The following DCC variants were observed in gnomAD, a reference collection of about 807,000 sequenced individuals.
DCC encodes netrin receptor DCC.
A neutral mutation model predicts 172.5 loss-of-function variants in DCC; 58 were observed. The ratio of observed to expected loss-of-function variants is 0.34; its 90% CI spans 0.27 to 0.42. DCC has a LOEUF of 0.42. Ranked by LOEUF, DCC falls within the 10% of genes least tolerant of loss-of-function variation. The probability of loss-of-function intolerance (pLI) is 1.00; values close to 1 mark genes in which losing one functional copy is unlikely to be tolerated. For missense variants in DCC, 1,740 were observed against 1,791.0 expected, an observed-to-expected ratio of 0.97 and a Z score of 0.51; for synonymous variants, 709 against 644.5, an observed-to-expected ratio of 1.10 and a Z score of -1.52.
intron 2 of DCC, among the ~76,000 whole-genome samples, chr18:52,860,373 G>T (rs2039121887): frequency 6.6e-6 from 1 of 152,134 alleles, no homozygotes; most frequent in African/African-American, 2.4e-5. Flanking sequence ...ACAGTTTTTG[G>T]TTTTAAGTGA....
chr18:53,246,477 G>T (rs11874063), intron 12 of DCC, among the ~76,000 whole-genome samples: 2,339 of 151,680 alleles, frequency 0.015, 56 homozygotes, highest in African/African-American at 0.053. Flanking sequence ...AAATATCTCA[G>T]CTCATATTTC....
At chr18:52,955,429 G>A (rs2040726802) in intron 5 of DCC, among the ~76,000 whole-genome samples, 2 of 151,640 alleles carry the variant, frequency 1.3e-5, no homozygotes, top group Non-Finnish European at 2.9e-5. Flanking sequence ...AGATTTACCA[G>A]TTGATTTATT....
intron 1 of DCC, among the ~76,000 whole-genome samples, chr18:52,359,510 A>G (rs1382738417): frequency 6.6e-6 from 1 of 152,102 alleles, no homozygotes; most frequent in Non-Finnish European, 1.5e-5. Flanking sequence ...ATTTCAGAGT[A>G]AGCTTACTCT....
chr18:52,561,455 CAT>C (rs757279365), intron 1 of DCC, among the ~76,000 whole-genome samples: 263 of 149,390 alleles, frequency 1.8e-3, no homozygotes, highest in Non-Finnish European at 2.9e-3. Flanking sequence ...GCTACACACA[CAT>C]ATATATATAT....
chr18:53,264,388 G>A (rs140333691), intron 12 of DCC, among the ~76,000 whole-genome samples: 1,596 of 150,720 alleles, frequency 0.011, 31 homozygotes, highest in African/African-American at 0.038. Context: ...TCTGGAGGCC[G>A]AGGCTTGAAA....
chr18:52,809,080 C>A (rs938749370), intron 2 of DCC, among the ~76,000 whole-genome samples: 1 of 152,102 alleles, frequency 6.6e-6, no homozygotes, highest in Non-Finnish European at 1.5e-5. Context: ...TATTGTTGAC[C>A]AATTCCCTCA....
chr18:53,435,047 ATCTGT>A (rs1267240883), intron 21 of DCC, 92 bp from the exon 22 acceptor site: 6 of 919,978 alleles, frequency 6.5e-6, no homozygotes, highest in African/African-American at 6.5e-5. Flanking sequence ...GATCAAAGTA[ATCTGT>A]TCTGTTATTG....
intron 1 of DCC, among the ~76,000 whole-genome samples, chr18:52,484,706 A>G (rs2030123899): frequency 6.6e-6 from 1 of 152,020 alleles, no homozygotes; most frequent in Non-Finnish European, 1.5e-5. Flanking sequence ...CCAAGAGCAA[A>G]AAGAAATTGA....
intron 1 of DCC, among the ~76,000 whole-genome samples, chr18:52,623,877 C>A (rs2034525499): frequency 6.6e-6 from 1 of 152,136 alleles, no homozygotes; most frequent in African/African-American, 2.4e-5. Flanking sequence ...ATCATAATGT[C>A]AGCAAGGATT....
intron 28 of DCC, chr18:53,527,089 A>ATG: frequency 3.4e-6 from 1 of 297,226 alleles, no homozygotes; most frequent in Non-Finnish European, 6.2e-6. Flanking sequence ...ACACATGGAT[A>ATG]CGTGTGTGTG....
At chr18:52,402,590 T>C (rs1454485945) in intron 1 of DCC, among the ~76,000 whole-genome samples, 1 of 152,068 alleles carries the variant, frequency 6.6e-6, no homozygotes, top group African/African-American at 2.4e-5. Context: ...TCTTTTTTCT[T>C]CTTTCTGTCT....
intron 5 of DCC, among the ~76,000 whole-genome samples, chr18:52,945,623 C>A (rs1455930664): frequency 6.6e-6 from 1 of 152,178 alleles, no homozygotes; most frequent in African/African-American, 2.4e-5. Flanking sequence ...ACCAATTCTT[C>A]TGAGTTGATG....
At chr18:53,443,892 G>T (rs1912432019) in intron 22 of DCC, among the ~76,000 whole-genome samples, 1 of 152,218 alleles carries the variant, frequency 6.6e-6, no homozygotes, top group Non-Finnish European at 1.5e-5. Context: ...AATAGCAAGA[G>T]AGCCAGAATG....
intron 2 of DCC, among the ~76,000 whole-genome samples, chr18:52,861,777 G>C (rs962105791): frequency 3.3e-5 from 5 of 152,092 alleles, no homozygotes; most frequent in Non-Finnish European, 7.4e-5. Flanking sequence ...TAGAGCCCTG[G>C]AAGGTTTTAC....
At chr18:53,465,416 G>A (rs147537861) in intron 24 of DCC, among the ~76,000 whole-genome samples, 88 of 152,068 alleles carry the variant, frequency 5.8e-4, no homozygotes, top group African/African-American at 2.0e-3. Context: ...GATACTTCTG[G>A]CCTTCATGAT....
chr18:53,337,072 G>A (rs1423992791), intron 14 of DCC, among the ~76,000 whole-genome samples: 1 of 152,218 alleles, frequency 6.6e-6, no homozygotes, highest in East Asian at 1.9e-4. Flanking sequence ...ACAATGATAT[G>A]TTTAAAGCTC....
chr18:52,450,442 A>G (rs1988266209), intron 1 of DCC, among the ~76,000 whole-genome samples: 1 of 152,242 alleles, frequency 6.6e-6, no homozygotes, highest in African/African-American at 2.4e-5. Flanking sequence ...GGGAAGGTCC[A>G]GACTAATGGC....
chr18:53,120,010 T>C (rs949485456), intron 7 of DCC, among the ~76,000 whole-genome samples: 4 of 151,898 alleles, frequency 2.6e-5, no homozygotes, highest in African/African-American at 4.8e-5. Context: ...ATTCAAGTTA[T>C]AGTCTCATTA....
At chr18:52,497,295 A>ATATATATGTG (rs2030818223) in intron 1 of DCC, among the ~76,000 whole-genome samples, 5 of 54,966 alleles carry the variant, frequency 9.1e-5, no homozygotes, top group Admixed American at 1.6e-4. Context: ...ATATATATAT[A>ATATATATGTG]TATATATATA....
Sources: allele counts gnomAD v4.1 joint callset (sites outside exome capture counted in the v4.1 genomes callset), GRCh38; gene constraint gnomAD v4.1.1; transcripts MANE v1.5; gene names NCBI Gene and HGNC (gene_info 2026-07-23, HGNC 2026-07-21).